Variants in KLHL21 observed in about 807,000 individuals in gnomAD.
KLHL21 encodes kelch like family member 21.
A neutral mutation model predicts 44.1 loss-of-function variants in KLHL21; 42 were observed. That is an observed-to-expected ratio of 0.95 (90% CI 0.74 to 1.23). KLHL21 has a LOEUF of 1.23. Ranked by LOEUF, KLHL21 falls within the 50% of genes most tolerant of loss-of-function variation. The probability of loss-of-function intolerance (pLI) is 0.00; values close to 1 mark genes in which losing one functional copy is unlikely to be tolerated. For synonymous variants in KLHL21, 524 were observed against 411.6 expected (o/e 1.27, Z -3.31); for missense variants, 918 against 889.1 (o/e 1.03, Z -0.41).
chr1:6,602,545 C>T lies in KLHL21; in HGVS notation c.273G>A (p.Leu91=), dbSNP rs570481805. The change falls in exon 1 of 4, where the codon CTG becomes CTA. Residue 91 remains leucine (L), a synonymous_variant. Coordinates refer to ENST00000377658, the MANE Select transcript of KLHL21 (RefSeq NM_014851.4). ...GVPPDMLQLL[L]DFSYTGRVAV... ...CCACGCGGCCCGTGTAGCTGAAGTC[C>T]AGCAGCAGCTGCAGCATGTCGGGAG... 8.5e-6 allele frequency: 13 copies of T among 1,538,114 alleles called. No homozygotes were observed. Among genetic ancestry groups the T allele is most frequent in the East Asian group, 7.3e-5 (3 of 40,972 alleles).
At chr1:6,599,739 G>A in intron 1 of KLHL21, 1 of 462,024 alleles carries the variant, frequency 2.2e-6, no homozygotes, top group Non-Finnish European at 3.9e-6. Context: ...CCGCCCCCCA[G>A]CCATACATAC....
chr1:6,601,519 T>C (rs1275138776), intron 1 of KLHL21, among the ~76,000 whole-genome samples: 1 of 152,094 alleles, frequency 6.6e-6, no homozygotes, highest in African/African-American at 2.4e-5. Flanking sequence ...TCCAACCAAG[T>C]GGGGAGGCAC....
intron 2 of KLHL21, 49 bp downstream of exon 2, chr1:6,598,998 C>T (rs1392391369): frequency 6.6e-7 from 1 of 1,509,964 alleles, no homozygotes; most frequent in South Asian, 1.3e-5. Context: ...AAGACAGGGC[C>T]TGGTAAGAGA....
In KLHL21 at chr1:6,602,843, C is replaced by A; in HGVS notation, c.-26G>T. On this transcript the variant is annotated 5_prime_UTR_variant, in exon 1 of 4. Transcript: ENST00000377658. ...GGCGCCTTCGATAGGTTGTCGAGGA[C>A]GCCGCGGCCGGGGCCTGCGGAGAGA... The A allele has an allele frequency of 1.4e-6, 2 of 1,399,452 alleles. No homozygotes were observed. Among genetic ancestry groups the A allele is most frequent in the Admixed American group, 3.5e-5 (1 of 28,670 alleles). The allele number at this position is 1,399,452 out of a possible 1,614,324, so 86.7% of individuals were successfully genotyped here. A position where few individuals can be genotyped will look rare whatever the true frequency, so the allele number is the denominator to read the frequency against.
rs147251785 is a variant in KLHL21, at chr1:6,595,547, C to A, written c.1438G>T (p.Ala480Ser). ...GTCGGGTTGTACACGTCCACCTCAG[C>A]GGAGTCATCCCTGTGGAGGGGGCAG... ...GLMYFVRDDSAEVDVYNPTRN... is the reference protein window; with the variant it reads ...GLMYFVRDDSSEVDVYNPTRN... Residue 480 changes from alanine (A) to serine (S), a missense_variant, in exon 3 of 4, where the codon GCT (alanine) becomes TCT (serine). Coordinates refer to ENST00000377658, the MANE Select transcript of KLHL21 (RefSeq NM_014851.4). 6 of 1,613,616 alleles carry A rather than the reference C, an allele frequency of 3.7e-6. No individual in the cohort carries two copies. In the African/African-American group the frequency reaches 6.7e-5, roughly 18 times the overall value.
chr1:6,598,396 CCT>C (rs1343209579), intron 2 of KLHL21, among the ~76,000 whole-genome samples: 1 of 152,000 alleles, frequency 6.6e-6, no homozygotes, highest in Non-Finnish European at 1.5e-5. Flanking sequence ...ATGGAGAAAC[CCT>C]GTCTCTACTA....
intron 3 of KLHL21, chr1:6,594,147 C>T (rs1414680123): frequency 1.0e-5 from 9 of 903,964 alleles, no homozygotes; most frequent in African/African-American, 3.6e-5. Flanking sequence ...TCTTAAATGC[C>T]AGGACATTAA....
At position 6,592,437 on chromosome 1, in the gene KLHL21, A is replaced by C. The variant is rs1246509042; in HGVS notation, c.*928T>G. The C allele has an allele frequency of 6.6e-6, 1 of 152,230 alleles. No individual in the cohort carries two copies. The highest frequency in any genetic ancestry group is 1.5e-5 in the Non-Finnish European group (1 of 68,044). The allele number at this position is 152,230 out of a possible 1,614,324, so 9.4% of individuals were successfully genotyped here. A position where few individuals can be genotyped will look rare whatever the true frequency, so the allele number is the denominator to read the frequency against. On this transcript the variant is annotated 3_prime_UTR_variant, in exon 4 of 4. Coordinates refer to ENST00000377658, the MANE Select transcript of KLHL21 (RefSeq NM_014851.4). Reference sequence around the variant, plus strand: ...GGCAATGGGACTTCTTAGACTGGACAAATCAAACAAAGCTGACCCTGTAGA... The same window carrying C: ...GGCAATGGGACTTCTTAGACTGGACCAATCAAACAAAGCTGACCCTGTAGA...
intron 3 of KLHL21, chr1:6,593,936 TTC>T (rs1640890203): frequency 1.6e-6 from 2 of 1,229,750 alleles, no homozygotes; most frequent in East Asian, 3.3e-5. Flanking sequence ...GCTTCCTACG[TTC>T]TCTCTCAGAA....
intron 3 of KLHL21, 39 bp from the exon 4 acceptor site, chr1:6,593,697 G>A (rs753332122): frequency 6.5e-7 from 1 of 1,534,956 alleles, no homozygotes; most frequent in African/African-American, 1.4e-5. Context: ...GGTCAGAGGA[G>A]AGGGTAGGGC....
At position 6,602,738 on chromosome 1, in the gene KLHL21, TGGCTCAGGCCGCGCAGCA is replaced by T. The variant is rs1223288195; in HGVS notation, c.62_79del (p.Leu21_Ser26del). 14 of 1,510,534 alleles carry T rather than the reference TGGCTCAGGCCGCGCAGCA, an allele frequency of 9.3e-6. No homozygotes were observed. The highest frequency in any genetic ancestry group is 2.9e-5 in the African/African-American group (2 of 69,074). The allele number at this position is 1,510,534 out of a possible 1,614,324, so 93.6% of individuals were successfully genotyped here. ...CAGGAACTTGCGCTCGGCGCGCAGC[TGGCTCAGGCCGCGCAGCA>T]GGCTCAGGGCGTGCGCGGGGTCCGA... On this transcript the variant is annotated inframe_deletion, in exon 1 of 4. Transcript: ENST00000377658.
chr1:6,600,751 G>A (rs1420456261), intron 1 of KLHL21, among the ~76,000 whole-genome samples: 2 of 152,232 alleles, frequency 1.3e-5, no homozygotes, highest in African/African-American at 4.8e-5. Flanking sequence ...CAAAGCCACT[G>A]GTCAGACTTT....
intron 2 of KLHL21, among the ~76,000 whole-genome samples, chr1:6,597,877 G>C (rs562190186): frequency 6.6e-6 from 1 of 152,370 alleles, no homozygotes; most frequent in East Asian, 1.9e-4. Context: ...AACAAGCAGC[G>C]GAGTACAGCA....
At chr1:6,597,830 C>T (rs1019853219) in intron 2 of KLHL21, among the ~76,000 whole-genome samples, 1 of 152,260 alleles carries the variant, frequency 6.6e-6, no homozygotes, top group Non-Finnish European at 1.5e-5. Context: ...GAGCTTCAGG[C>T]AGGCTCTAGG....
intron 3 of KLHL21, chr1:6,594,032 G>T: frequency 9.6e-7 from 1 of 1,041,580 alleles, no homozygotes; most frequent in East Asian, 7.8e-5. Flanking sequence ...GGCTGACAGT[G>T]GCAGAGCTGG....
intron 1 of KLHL21, among the ~76,000 whole-genome samples, chr1:6,600,976 A>C (rs1641007886): frequency 6.6e-6 from 1 of 152,218 alleles, no homozygotes; most frequent in Non-Finnish European, 1.5e-5. Flanking sequence ...CGAACATGCA[A>C]GGCTGGGCAC....
At chr1:6,597,032 C>T (rs1640937104) in intron 2 of KLHL21, among the ~76,000 whole-genome samples, 1 of 152,260 alleles carries the variant, frequency 6.6e-6, no homozygotes, top group Non-Finnish European at 1.5e-5. Flanking sequence ...CAGCCCCAAG[C>T]AGGGCCCCTG....
At chr1:6,599,561 T>C in intron 1 of KLHL21, 109 bp from the exon 2 acceptor site, 1 of 1,174,096 alleles carries the variant, frequency 8.5e-7, no homozygotes, top group Non-Finnish European at 1.2e-6. Context: ...TTAACATCAC[T>C]GGGCTTCACC....
Position 6,593,241 on chromosome 1 carries a change from TCGCCACCCAAGAG to T in KLHL21, c.*111_*123del, listed in dbSNP as rs1640876400. ...CCAGGTAATGGATCCTGGGCTGGCT[TCGCCACCCAAGAG>T]CCTGTGCTCCTCCTGTGAGCCCAAC... On this transcript the variant is annotated 3_prime_UTR_variant, in exon 4 of 4. Coordinates refer to ENST00000377658, the MANE Select transcript of KLHL21 (RefSeq NM_014851.4). 11 of 1,071,742 alleles carry T rather than the reference TCGCCACCCAAGAG, an allele frequency of 1.0e-5. No homozygotes were observed. The highest frequency in any genetic ancestry group is 1.4e-5 in the Non-Finnish European group (11 of 760,996). The allele number at this position is 1,071,742 out of a possible 1,614,324, so 66.4% of individuals were successfully genotyped here.
Sources: allele counts gnomAD v4.1 joint callset (sites outside exome capture counted in the v4.1 genomes callset), GRCh38; gene constraint gnomAD v4.1.1; transcripts MANE v1.5; gene names NCBI Gene and HGNC (gene_info 2026-07-23, HGNC 2026-07-21).